The following FHIT variants were observed in gnomAD, a reference collection of about 807,000 sequenced individuals.
The protein encoded by FHIT is fragile histidine triad diadenosine triphosphatase, also known as bis(5'-adenosyl)-triphosphatase.
FHIT carries 19 observed loss-of-function variants against 17.9 expected under a neutral mutation model. That is an observed-to-expected ratio of 1.06 (90% CI 0.74 to 1.56). The LOEUF (loss-of-function observed/expected upper bound fraction) is 1.56. Among genes scored for constraint, FHIT ranks in the 40% most tolerant of loss-of-function variants. The pLI, the probability that FHIT is intolerant of heterozygous loss-of-function variation, is 0.00. For missense variants in FHIT, 248 were observed against 189.2 expected (o/e 1.31, Z -1.82); for synonymous variants, 81 against 69.7 (o/e 1.16, Z -0.81).
At chr3:60,830,928 C>T (rs1462048367) in intron 3 of FHIT, among the ~76,000 whole-genome samples, 13 of 152,120 alleles carry the variant, frequency 8.5e-5, no homozygotes, top group Non-Finnish European at 1.8e-4. Flanking sequence ...AATCTCCAAT[C>T]GTGAACTGTG....
At chr3:60,522,175 T>A (rs949205008) in intron 5 of FHIT, among the ~76,000 whole-genome samples, 1 of 148,088 alleles carries the variant, frequency 6.8e-6, no homozygotes, top group Non-Finnish European at 1.5e-5. Flanking sequence ...AGTGGCACGA[T>A]CTGAGCTCAC....
intron 3 of FHIT, among the ~76,000 whole-genome samples, chr3:61,016,855 G>C (rs1173507805): frequency 6.6e-6 from 1 of 152,242 alleles, no homozygotes; most frequent in Non-Finnish European, 1.5e-5. Context: ...AGTCTGCACA[G>C]TAACAGGAAC....
In FHIT at chr3:60,788,948, A is replaced by T. The variant is rs868989571; in HGVS notation, c.-18+32971T>A. 2.6e-5 allele frequency among the ~76,000 whole-genome samples: 4 copies of T among 152,104 alleles called. No homozygotes were observed. In the South Asian group the frequency reaches 6.2e-4, roughly 24 times the overall value. ...TGCATTTCAGCCACCACCAACAGGG[A>T]CTAGACAATTCCAAAATATATGTAT... On this transcript the variant is annotated intron_variant, in intron 4 of 9. Transcript: ENST00000492590.
chr3:59,985,427 TAACA>T (rs1302212024), intron 7 of FHIT, among the ~76,000 whole-genome samples: 4 of 152,242 alleles, frequency 2.6e-5, no homozygotes, highest in East Asian at 3.9e-4. Flanking sequence ...GTATAGAAAG[TAACA>T]AACTACGTGG....
chr3:60,901,428 T>C (rs528891973), intron 3 of FHIT, among the ~76,000 whole-genome samples: 28 of 152,298 alleles, frequency 1.8e-4, no homozygotes, highest in African/African-American at 3.4e-4. Context: ...TTTTATTAAG[T>C]GAAAGAAGTA....
At chr3:60,724,660 G>T (rs1716750) in intron 4 of FHIT, among the ~76,000 whole-genome samples, 7,372 of 84,380 alleles carry the variant, frequency 0.087, 301 homozygotes, top group African/African-American at 0.16. Context: ...TTTTTTTTTT[G>T]TTTTTTTTTT....
At position 61,226,018 on chromosome 3, in the gene FHIT, G is replaced by C. The variant is rs559741747; in HGVS notation, c.-213+25283C>G. ...TCTTCTGATACAAAACTCAGGAACAGTAGAATTTCTCTGCTTAATGATTTT... is the reference window on the plus strand; with the variant it reads ...TCTTCTGATACAAAACTCAGGAACACTAGAATTTCTCTGCTTAATGATTTT... On this transcript the variant is annotated intron_variant, in intron 1 of 9. Coordinates refer to ENST00000492590, the MANE Select transcript of FHIT (RefSeq NM_002012.4). Among the ~76,000 whole-genome samples the C allele has an allele frequency of 5.9e-5, 9 of 152,324 alleles. No homozygotes were observed. The South Asian group carries it at 1.7e-3, about 28-fold the overall frequency.
At chr3:60,590,264 A>G (rs371343956) in intron 4 of FHIT, among the ~76,000 whole-genome samples, 1 of 152,070 alleles carries the variant, frequency 6.6e-6, no homozygotes, top group Non-Finnish European at 1.5e-5. Context: ...TTCAAATGAC[A>G]TCTACTCACA....
chr3:61,213,604 G>C (rs1350579038), intron 1 of FHIT, among the ~76,000 whole-genome samples: 1 of 152,172 alleles, frequency 6.6e-6, no homozygotes, highest in Non-Finnish European at 1.5e-5. Flanking sequence ...CAACAAGACA[G>C]AAAGTTAACA....
intron 8 of FHIT, among the ~76,000 whole-genome samples, chr3:59,864,566 C>A (rs921762181): frequency 2.6e-5 from 4 of 151,578 alleles, no homozygotes; most frequent in African/African-American, 9.7e-5. Context: ...TTCATTCCTG[C>A]AGCATATCTA....
chr3:59,836,284 C>T (rs747870737), intron 8 of FHIT, among the ~76,000 whole-genome samples: 6 of 152,190 alleles, frequency 3.9e-5, no homozygotes, highest in African/African-American at 1.2e-4. Flanking sequence ...TTAGGCTGGG[C>T]ATTCTTATCC....
chr3:61,027,457 A>G (rs1199966589), intron 3 of FHIT, among the ~76,000 whole-genome samples: 1 of 152,270 alleles, frequency 6.6e-6, no homozygotes, highest in Non-Finnish European at 1.5e-5. Context: ...GAAACACTAC[A>G]TAATAGAGTG....
intron 5 of FHIT, among the ~76,000 whole-genome samples, chr3:60,495,362 C>T (rs968355293): frequency 6.6e-6 from 1 of 152,132 alleles, no homozygotes; most frequent in Non-Finnish European, 1.5e-5. Context: ...AAGAAATGGT[C>T]AAGTACTTCA....
chr3:59,798,877 G>A (rs532755207), intron 8 of FHIT, among the ~76,000 whole-genome samples: 14 of 152,330 alleles, frequency 9.2e-5, no homozygotes, highest in African/African-American at 3.4e-4. Flanking sequence ...GAGAGTAAGG[G>A]CTATTCTTCA....
chr3:60,140,471 C>T (rs191001900), intron 5 of FHIT, among the ~76,000 whole-genome samples: 6 of 151,618 alleles, frequency 4.0e-5, no homozygotes, highest in African/African-American at 1.5e-4. Context: ...CTACTAGTGG[C>T]AAGATAGTAA....
chr3:60,619,841 C>T (rs548132524), intron 4 of FHIT, among the ~76,000 whole-genome samples: 1 of 152,056 alleles, frequency 6.6e-6, no homozygotes, highest in Non-Finnish European at 1.5e-5. Context: ...AAATTGAAAA[C>T]GTCTCCTTGA....
chr3:59,782,472 G>A (rs1251037687), intron 8 of FHIT, among the ~76,000 whole-genome samples: 1 of 152,122 alleles, frequency 6.6e-6, no homozygotes, highest in Non-Finnish European at 1.5e-5. Context: ...TCATGAATCA[G>A]AACAGGATAT....
intron 2 of FHIT, among the ~76,000 whole-genome samples, chr3:61,170,286 T>G (rs1409789838): frequency 6.6e-6 from 1 of 152,242 alleles, no homozygotes; most frequent in African/African-American, 2.4e-5. Flanking sequence ...AATTAAATTT[T>G]ATTCCCATAT....
intron 8 of FHIT, among the ~76,000 whole-genome samples, chr3:59,896,814 A>T (rs1269671986): frequency 2.6e-5 from 4 of 152,184 alleles, no homozygotes; most frequent in Non-Finnish European, 5.9e-5. Flanking sequence ...GCAGTATCAG[A>T]GGCAAGAATA....
Sources: allele counts gnomAD v4.1 joint callset (sites outside exome capture counted in the v4.1 genomes callset), GRCh38; gene constraint gnomAD v4.1.1; transcripts MANE v1.5; gene names NCBI Gene and HGNC (gene_info 2026-07-23, HGNC 2026-07-21).